Variants in MACROD2 observed in about 807,000 individuals in gnomAD.
The protein encoded by MACROD2 is ADP-ribose glycohydrolase MACROD2.
A neutral mutation model predicts 70.4 loss-of-function variants in MACROD2; 36 were observed. The ratio of observed to expected loss-of-function variants is 0.51; its 90% CI spans 0.39 to 0.68. The LOEUF (loss-of-function observed/expected upper bound fraction) is 0.68. Among genes scored for constraint, MACROD2 ranks in the 30% least tolerant of loss-of-function variants. The pLI, the probability that MACROD2 is intolerant of heterozygous loss-of-function variation, is 0.00. For synonymous variants in MACROD2, 172 were observed against 178.8 expected, an observed-to-expected ratio of 0.96 and a Z score of 0.30; for missense variants, 496 against 538.4, an observed-to-expected ratio of 0.92 and a Z score of 0.78.
chr20:15,152,756 G>C (rs983747721), intron 5 of MACROD2, among the ~76,000 whole-genome samples: 8 of 152,002 alleles, frequency 5.3e-5, no homozygotes, highest in African/African-American at 1.7e-4. Flanking sequence ...CTGAAACCTG[G>C]GTGAATAATC....
intron 6 of MACROD2, among the ~76,000 whole-genome samples, chr20:15,421,187 G>A (rs4814365): frequency 0.31 from 46,918 of 151,610 alleles, 7,517 homozygotes; most frequent in African/African-American, 0.38. Flanking sequence ...AGACCAACCT[G>A]GCCAGCATAG....
chr20:15,854,233 C>T (rs1011805934), intron 8 of MACROD2, among the ~76,000 whole-genome samples: 18 of 151,694 alleles, frequency 1.2e-4, no homozygotes, highest in African/African-American at 3.4e-4. Flanking sequence ...TTAGAAGGAA[C>T]GTAGAGGTGG....
intron 5 of MACROD2, among the ~76,000 whole-genome samples, chr20:15,001,668 G>A (rs930604644): frequency 6.6e-6 from 1 of 152,062 alleles, no homozygotes; most frequent in African/African-American, 2.4e-5. Context: ...GTTTTAAGGA[G>A]TGATAATGAG....
chr20:15,086,761 C>A (rs724820), intron 5 of MACROD2, among the ~76,000 whole-genome samples: 59,056 of 151,890 alleles, frequency 0.39, 11,903 homozygotes, highest in East Asian at 0.54. Context: ...ACTAGTATAA[C>A]GTTGTACAGG....
At chr20:15,062,094 A>G (rs1170649575) in intron 5 of MACROD2, among the ~76,000 whole-genome samples, 2 of 152,072 alleles carry the variant, frequency 1.3e-5, no homozygotes, top group African/African-American at 2.4e-5. Flanking sequence ...CATACCTTAT[A>G]TTTGCTGATG....
chr20:15,575,888 G>T (rs2048440881), intron 8 of MACROD2, among the ~76,000 whole-genome samples: 1 of 152,030 alleles, frequency 6.6e-6, no homozygotes. Context: ...TGACTTCTTA[G>T]AAGATAAATT....
chr20:15,226,433 A>G (rs1441095192), intron 5 of MACROD2, among the ~76,000 whole-genome samples: 1 of 152,188 alleles, frequency 6.6e-6, no homozygotes, highest in Non-Finnish European at 1.5e-5. Flanking sequence ...TATTTATACC[A>G]AGGGATTCAA....
At chr20:15,862,947 A>T (rs748939610) in intron 9 of MACROD2, 121 bp downstream of exon 9, 1 of 698,266 alleles carries the variant, frequency 1.4e-6, no homozygotes, top group Non-Finnish European at 2.3e-6. Flanking sequence ...GCCAACTTGT[A>T]TCATAGTTTC....
chr20:15,279,338 G>T (rs1226056601), intron 6 of MACROD2, among the ~76,000 whole-genome samples: 1 of 152,108 alleles, frequency 6.6e-6, no homozygotes, highest in Non-Finnish European at 1.5e-5. Flanking sequence ...TTGCAGGAAA[G>T]CCGGGCTGCT....
intron 8 of MACROD2, among the ~76,000 whole-genome samples, chr20:15,515,466 A>AT (rs1273920492): frequency 1.3e-5 from 2 of 152,120 alleles, no homozygotes; most frequent in Non-Finnish European, 2.9e-5. Context: ...TCTTTGGTGA[A>AT]TTTTTCCTTG....
intron 3 of MACROD2, among the ~76,000 whole-genome samples, chr20:14,281,798 G>A (rs1380685406): frequency 3.3e-5 from 5 of 151,618 alleles, no homozygotes; most frequent in Admixed American, 2.6e-4. Context: ...AGCCGGGCGC[G>A]GTGATGTGTG....
At chr20:14,751,405 C>T (rs972982720) in intron 5 of MACROD2, among the ~76,000 whole-genome samples, 2 of 152,108 alleles carry the variant, frequency 1.3e-5, no homozygotes, top group African/African-American at 4.8e-5. Context: ...AATCCATGTG[C>T]TTCTTCCATT....
In MACROD2 at chr20:16,051,407, T is replaced by C. The variant is rs1156787709; in HGVS notation, c.*1531T>C. Reference sequence around the variant, plus strand: ...GACTTTGGTTTTAGCCTTTCTGAATTTGTTACCCCTTCTGGATGGCTTATT... The same window carrying C: ...GACTTTGGTTTTAGCCTTTCTGAATCTGTTACCCCTTCTGGATGGCTTATT... On this transcript the variant is annotated 3_prime_UTR_variant, in exon 18 of 18. Transcript: ENST00000684519. 6.6e-6 allele frequency: 1 copy of C among 152,196 alleles called. No homozygotes were observed. The highest frequency in any genetic ancestry group is 2.4e-5 in the African/African-American group (1 of 41,458). The allele number at this position is 152,196 out of a possible 1,614,324, so 9.4% of individuals were successfully genotyped here.
intron 3 of MACROD2, among the ~76,000 whole-genome samples, chr20:14,485,517 C>A (rs111901059): frequency 6.6e-6 from 1 of 151,802 alleles, no homozygotes; most frequent in Non-Finnish European, 1.5e-5. Flanking sequence ...CTGGCTAACA[C>A]GGTGAAACCC....
At chr20:15,660,266 G>A (rs1202028561) in intron 8 of MACROD2, among the ~76,000 whole-genome samples, 5 of 151,922 alleles carry the variant, frequency 3.3e-5, no homozygotes, top group African/African-American at 1.2e-4. Context: ...TACTTGGAAA[G>A]AATAGATGGA....
rs141325254 is a variant in MACROD2, at chr20:14,947,186, A to T, written c.418+262227A>T. On this transcript the variant is annotated intron_variant, in intron 5 of 17. Transcript: ENST00000684519. ...TTCGCCGAGCAAGCTGGGGACAGTC[A>T]AAGTTGTCTTACAGAAAAGGCTCAC... 3.4e-3 allele frequency among the ~76,000 whole-genome samples: 521 copies of T among 152,306 alleles called. 7 individuals carry two copies. The highest frequency in any genetic ancestry group is 0.011 in the African/African-American group (470 of 41,566).
At chr20:15,623,718 A>ATCTATCTG (rs2049161783) in intron 8 of MACROD2, among the ~76,000 whole-genome samples, 1 of 151,540 alleles carries the variant, frequency 6.6e-6, no homozygotes, top group Non-Finnish European at 1.5e-5. Flanking sequence ...CTATCTATCT[A>ATCTATCTG]TCGATGTGTC....
At chr20:14,059,194 G>A (rs755852005) in intron 2 of MACROD2, among the ~76,000 whole-genome samples, 1 of 151,996 alleles carries the variant, frequency 6.6e-6, no homozygotes, top group African/African-American at 2.4e-5. Flanking sequence ...TCTCACCTCT[G>A]TCTTTTTAAT....
intron 3 of MACROD2, among the ~76,000 whole-genome samples, chr20:14,490,064 GA>G (rs2084777883): frequency 6.6e-6 from 1 of 151,994 alleles, no homozygotes; most frequent in Non-Finnish European, 1.5e-5. Flanking sequence ...ATGTGTTATT[GA>G]AAACTGCCGT....
Sources: allele counts gnomAD v4.1 joint callset (sites outside exome capture counted in the v4.1 genomes callset), GRCh38; gene constraint gnomAD v4.1.1; transcripts MANE v1.5; gene names NCBI Gene and HGNC (gene_info 2026-07-23, HGNC 2026-07-21).